The following FSTL5 variants were observed in gnomAD, a reference collection of about 807,000 sequenced individuals.
FSTL5 encodes the protein follistatin like 5.
In FSTL5, 62 loss-of-function variants were observed where a neutral mutation model predicts 89.1. The observed-to-expected ratio is 0.70, with a 90% CI of 0.57 to 0.86. FSTL5 has a LOEUF of 0.86. Among genes scored for constraint, FSTL5 ranks in the 40% least tolerant of loss-of-function variants. FSTL5 has a pLI of 0.00. For missense variants in FSTL5, 1,057 were observed against 1,001.6 expected (o/e 1.06, Z -0.75); for synonymous variants, 383 against 346.2 (o/e 1.11, Z -1.18).
At chr4:162,131,707 G>A (rs1184945650) in intron 1 of FSTL5, among the ~76,000 whole-genome samples, 1 of 152,198 alleles carries the variant, frequency 6.6e-6, no homozygotes, top group East Asian at 1.9e-4. Context: ...GAATGAGTCA[G>A]AAACTTCAGC....
At chr4:162,023,332 A>T (rs1012450491) in intron 3 of FSTL5, among the ~76,000 whole-genome samples, 1 of 152,294 alleles carries the variant, frequency 6.6e-6, no homozygotes, top group East Asian at 1.9e-4. Flanking sequence ...GACTGTATGA[A>T]GCATTACTAC....
At chr4:161,769,646 A>G (rs887296496) in intron 5 of FSTL5, among the ~76,000 whole-genome samples, 6 of 151,950 alleles carry the variant, frequency 3.9e-5, no homozygotes, top group Non-Finnish European at 8.8e-5. Context: ...ACCCTTCATG[A>G]TAAAAAGCTT....
chr4:161,823,226 T>C (rs943918035), intron 4 of FSTL5, among the ~76,000 whole-genome samples: 1 of 152,056 alleles, frequency 6.6e-6, no homozygotes, highest in African/African-American at 2.4e-5. Flanking sequence ...GAAGGTCCTG[T>C]TTCACCAGGG....
chr4:161,658,914 T>C (rs1736613386), intron 6 of FSTL5, among the ~76,000 whole-genome samples: 1 of 152,190 alleles, frequency 6.6e-6, no homozygotes, highest in Non-Finnish European at 1.5e-5. Context: ...GAAATACAAT[T>C]GCTACTAAGT....
At chr4:161,822,010 A>T (rs948349933) in intron 4 of FSTL5, among the ~76,000 whole-genome samples, 2 of 152,060 alleles carry the variant, frequency 1.3e-5, no homozygotes, top group African/African-American at 4.8e-5. Context: ...GACTCTCCAC[A>T]CTGTTTTTCA....
chr4:161,985,213 G>A (rs1008975205), intron 3 of FSTL5, among the ~76,000 whole-genome samples: 2 of 151,692 alleles, frequency 1.3e-5, no homozygotes, highest in African/African-American at 4.8e-5. Flanking sequence ...ATGCCATCAG[G>A]GTTGATTTGG....
chr4:161,766,910 T>TGATA (rs34991915), intron 5 of FSTL5, among the ~76,000 whole-genome samples: 2,298 of 106,744 alleles, frequency 0.022, 20 homozygotes, highest in South Asian at 0.034. Context: ...ATAGATCGAT[T>TGATA]GATAGATAGA....
chr4:161,424,024 C>CTTTTTTTTTTTTTTTTT, intron 15 of FSTL5, among the ~76,000 whole-genome samples: 1 of 75,378 alleles, frequency 1.3e-5, no homozygotes, highest in Non-Finnish European at 2.3e-5. Flanking sequence ...GCCCATCATT[C>CTTTTTTTTTTTTTTTTT]TTTTTTTTTT....
chr4:161,468,127 C>G (rs1733808099), intron 13 of FSTL5, among the ~76,000 whole-genome samples: 1 of 151,978 alleles, frequency 6.6e-6, no homozygotes, highest in Non-Finnish European at 1.5e-5. Flanking sequence ...ATTGAAAACC[C>G]TTTTTTATAA....
Position 161,756,763 on chromosome 4 carries a change from A to C in FSTL5, c.727+2648T>G, listed in dbSNP as rs192456707. 3.7e-3 allele frequency among the ~76,000 whole-genome samples: 568 copies of C among 152,288 alleles called. 5 individuals carry two copies. Among genetic ancestry groups the C allele is most frequent in the Non-Finnish European group, 3.2e-3 (220 of 68,004 alleles). Reference sequence around the variant, plus strand: ...CAGTGTCTTTGCTGGCTATCATAAAAATAACAGATTACTCATTCACATATT... The same window carrying C: ...CAGTGTCTTTGCTGGCTATCATAAACATAACAGATTACTCATTCACATATT... On this transcript the variant is annotated intron_variant, in intron 6 of 15. Coordinates refer to ENST00000306100, the MANE Select transcript of FSTL5 (RefSeq NM_020116.5).
At chr4:161,461,731 G>T (rs1333878150) in intron 13 of FSTL5, among the ~76,000 whole-genome samples, 1 of 151,820 alleles carries the variant, frequency 6.6e-6, no homozygotes, top group Non-Finnish European at 1.5e-5. Flanking sequence ...TGCATATATA[G>T]CCCTAAAAAG....
intron 6 of FSTL5, among the ~76,000 whole-genome samples, chr4:161,726,459 C>T (rs1739420271): frequency 6.6e-6 from 1 of 151,882 alleles, no homozygotes; most frequent in Admixed American, 6.6e-5. Flanking sequence ...AACTCCTGAC[C>T]TCAAGTGGTC....
chr4:161,903,762 G>C (rs1032718604), intron 4 of FSTL5, among the ~76,000 whole-genome samples: 1 of 125,050 alleles, frequency 8.0e-6, no homozygotes, highest in African/African-American at 2.8e-5. Context: ...ATTTTTCAAA[G>C]TACATTTAGT....
At chr4:161,800,975 G>C (rs1035698006) in intron 4 of FSTL5, among the ~76,000 whole-genome samples, 1 of 151,428 alleles carries the variant, frequency 6.6e-6, no homozygotes, top group African/African-American at 2.4e-5. Flanking sequence ...TTCTTTCAAC[G>C]GGAGTTTGGA....
chr4:161,759,548 A>G lies in FSTL5; in HGVS notation c.607-17T>C, dbSNP rs1560829871. ...TTTTATCACCTAACAAGAAAATTAT[A>G]AACCATACCTTTAGATTTGTGTCTT... On this transcript the variant is annotated splice_polypyrimidine_tract_variant and intron_variant, in intron 5 of 15. Transcript: ENST00000306100. 2.1e-6 allele frequency: 3 copies of G among 1,459,630 alleles called. No homozygotes were observed. The highest frequency in any genetic ancestry group is 4.9e-5 in the East Asian group (2 of 40,694). The allele number at this position is 1,459,630 out of a possible 1,614,324, so 90.4% of individuals were successfully genotyped here. A position where few individuals can be genotyped will look rare whatever the true frequency, so the allele number is the denominator to read the frequency against.
intron 10 of FSTL5, among the ~76,000 whole-genome samples, chr4:161,519,914 G>T (rs1245953993): frequency 6.6e-6 from 1 of 152,016 alleles, no homozygotes; most frequent in East Asian, 1.9e-4. Flanking sequence ...AAAATAAAAT[G>T]ATTATAATAT....
intron 5 of FSTL5, among the ~76,000 whole-genome samples, chr4:161,760,242 CT>C (rs1740739286): frequency 6.6e-6 from 1 of 152,168 alleles, no homozygotes; most frequent in East Asian, 1.9e-4. Flanking sequence ...TGGTATTCTA[CT>C]GATTTTGACT....
At chr4:161,498,479 C>T (rs1324277784) in intron 12 of FSTL5, among the ~76,000 whole-genome samples, 5 of 152,108 alleles carry the variant, frequency 3.3e-5, no homozygotes, top group Admixed American at 6.5e-5. Context: ...GAAAAATATT[C>T]TTTGTCTCTA....
intron 2 of FSTL5, among the ~76,000 whole-genome samples, chr4:162,042,950 G>T (rs1381108320): frequency 9.1e-6 from 1 of 110,296 alleles, no homozygotes; most frequent in African/African-American, 3.5e-5. Context: ...CTGTTGTGGG[G>T]TGGGGGGAGG....
Sources: gnomAD v4.1 joint callset for allele counts (sites outside exome capture counted in the v4.1 genomes callset) on GRCh38, gnomAD v4.1.1 for gene constraint, MANE v1.5 for transcripts, NCBI Gene and HGNC (gene_info 2026-07-23, HGNC 2026-07-21) for gene names.